CLDN16: variants seen among roughly 807,000 people sequenced by gnomAD.
The protein encoded by CLDN16 is claudin-16.
In CLDN16, 13 loss-of-function variants were observed where a neutral mutation model predicts 24.6. The observed-to-expected ratio is 0.53, with a 90% CI of 0.34 to 0.84. The LOEUF (loss-of-function observed/expected upper bound fraction) is 0.84, where lower values mean the gene tolerates loss of function less well. Ranked by LOEUF, CLDN16 falls within the 40% of genes least tolerant of loss-of-function variation. CLDN16 has a pLI of 0.01. For missense variants in CLDN16, 298 were observed against 292.7 expected, an observed-to-expected ratio of 1.02 and a Z score of -0.13; for synonymous variants, 116 against 106.7, an observed-to-expected ratio of 1.09 and a Z score of -0.54.
At chr3:190,336,546 T>G (rs113039025) in intron 1 of CLDN16, among the ~76,000 whole-genome samples, 4,763 of 152,300 alleles carry the variant, frequency 0.031, 114 homozygotes, top group South Asian at 0.081. Flanking sequence ...AGTTCCCCGT[T>G]TTCAGTGAGG....
intron 1 of CLDN16, among the ~76,000 whole-genome samples, chr3:190,339,623 G>C (rs558581246): frequency 1.3e-5 from 2 of 152,202 alleles, no homozygotes; most frequent in African/African-American, 4.8e-5. Flanking sequence ...TTGTAAGATA[G>C]GTCAGCAGTA....
chr3:190,397,942 C>G (rs1314889615), intron 1 of CLDN16, among the ~76,000 whole-genome samples: 3 of 152,178 alleles, frequency 2.0e-5, no homozygotes, highest in South Asian at 2.1e-4. Context: ...CATTTCAGAT[C>G]ACTTTCTAAA....
chr3:190,298,093 C>A, the CLDN16 span, among the ~76,000 whole-genome samples: 2 of 152,112 alleles, frequency 1.3e-5, no homozygotes, highest in East Asian at 3.9e-4. Context: ...TCTTTATTGT[C>A]TTTTCCATAT....
the CLDN16 span, among the ~76,000 whole-genome samples, chr3:190,293,052 T>C: frequency 1.3e-5 from 2 of 152,168 alleles, no homozygotes; most frequent in African/African-American, 4.8e-5. Context: ...ATTTTAACAC[T>C]GCTATAAAGA....
At chr3:190,374,367 A>C (rs1034535755) in intron 2 of CLDN16, among the ~76,000 whole-genome samples, 2 of 150,506 alleles carry the variant, frequency 1.3e-5, no homozygotes, top group Non-Finnish European at 3.0e-5. Flanking sequence ...CCAAATGTGT[A>C]AGTTATCAAC....
chr3:190,395,938 T>C (rs1172488812), intron 1 of CLDN16, among the ~76,000 whole-genome samples: 1 of 152,160 alleles, frequency 6.6e-6, no homozygotes, highest in Non-Finnish European at 1.5e-5. Context: ...TAATTTCCTA[T>C]GTTACTAGAG....
chr3:190,375,023 T>A (rs1365675879), intron 3 of CLDN16, among the ~76,000 whole-genome samples: 1 of 151,948 alleles, frequency 6.6e-6, no homozygotes, highest in Non-Finnish European at 1.5e-5. Context: ...AAGAGGCATA[T>A]ACTTATAAAA....
At chr3:190,390,295 G>GTTT (rs1718616383) in intron 1 of CLDN16, among the ~76,000 whole-genome samples, 2 of 152,154 alleles carry the variant, frequency 1.3e-5, no homozygotes, top group Non-Finnish European at 2.9e-5. Flanking sequence ...CCAATACTTT[G>GTTT]GAAGGCCGAG....
At chr3:190,327,208 T>C (rs554286664) in intron 1 of CLDN16, among the ~76,000 whole-genome samples, 1 of 152,356 alleles carries the variant, frequency 6.6e-6, no homozygotes, top group African/African-American at 2.4e-5. Flanking sequence ...TCTGAAATTT[T>C]TTAGGTTTCA....
upstream of CLDN16, among the ~76,000 whole-genome samples, chr3:190,321,747 A>G (rs899222645): frequency 6.6e-6 from 1 of 152,180 alleles, no homozygotes; most frequent in Non-Finnish European, 1.5e-5. Context: ...ATGAAGCCAC[A>G]CCTAGAGTGG....
intron 1 of CLDN16, among the ~76,000 whole-genome samples, chr3:190,356,526 T>C (rs1717777177): frequency 6.6e-6 from 1 of 151,850 alleles, no homozygotes; most frequent in Admixed American, 6.6e-5. Flanking sequence ...ACCAAAGGCA[T>C]GTTTATCTAA....
intron 3 of CLDN16, among the ~76,000 whole-genome samples, chr3:190,407,188 G>A (rs1291755162): frequency 6.6e-6 from 1 of 151,850 alleles, no homozygotes; most frequent in Admixed American, 6.6e-5. Flanking sequence ...TTTAGATTTG[G>A]GAAAGACAAA....
At chr3:190,396,894 T>C (rs921625866) in intron 1 of CLDN16, among the ~76,000 whole-genome samples, 3 of 152,054 alleles carry the variant, frequency 2.0e-5, no homozygotes, top group African/African-American at 7.2e-5. Flanking sequence ...GTATAATTAG[T>C]ATATACCAGG....
At chr3:190,379,975 G>GTCAATCTATTTA (rs1553806900) in intron 3 of CLDN16, among the ~76,000 whole-genome samples, 9 of 149,104 alleles carry the variant, frequency 6.0e-5, no homozygotes, top group Non-Finnish European at 1.0e-4. Context: ...TATCAACTCT[G>GTCAATCTATTTA]TCTATCTATC....
At chr3:190,299,755 T>A in the CLDN16 span, among the ~76,000 whole-genome samples, 2 of 152,188 alleles carry the variant, frequency 1.3e-5, no homozygotes, top group Non-Finnish European at 1.5e-5. Context: ...CTATTTGTAC[T>A]CTCTATTCTA....
intron 1 of CLDN16, among the ~76,000 whole-genome samples, chr3:190,401,203 A>G (rs1386271132): frequency 7.7e-6 from 1 of 130,258 alleles, no homozygotes; most frequent in Non-Finnish European, 1.6e-5. Context: ...GCCTCAAAAA[A>G]TAGCATGGGG....
At chr3:190,320,073 T>TGGG (rs3836453), upstream of CLDN16, among the ~76,000 whole-genome samples, 5 of 151,944 alleles carry the variant, frequency 3.3e-5, no homozygotes, top group South Asian at 1.0e-3. Context: ...AAAGTGTGTG[T>TGGG]GGGGGGGTAG....
intron 1 of CLDN16, among the ~76,000 whole-genome samples, chr3:190,399,970 A>G (rs1718921629): frequency 6.6e-6 from 1 of 152,142 alleles, no homozygotes; most frequent in Non-Finnish European, 1.5e-5. Context: ...CATGCTCCTT[A>G]CAAGCACCTA....
At chr3:190,403,935 A>T (rs1457954302) in intron 2 of CLDN16, among the ~76,000 whole-genome samples, 5 of 152,178 alleles carry the variant, frequency 3.3e-5, no homozygotes, top group African/African-American at 7.2e-5. Context: ...AAAAAAATTT[A>T]AAACTTTTAA....
Sources: allele counts gnomAD v4.1 joint callset (sites outside exome capture counted in the v4.1 genomes callset), GRCh38; gene constraint gnomAD v4.1.1; transcripts MANE v1.5; gene names NCBI Gene and HGNC (gene_info 2026-07-23, HGNC 2026-07-21).